Variants in DNMBP observed in about 807,000 individuals in gnomAD.
The protein encoded by DNMBP is dynamin binding protein.
A neutral mutation model predicts 150.0 loss-of-function variants in DNMBP; 87 were observed. That is an observed-to-expected ratio of 0.58 (90% CI 0.49 to 0.69). The LOEUF is 0.69. Among genes scored for constraint, DNMBP ranks in the 30% least tolerant of loss-of-function variants. The pLI is 0.00. For synonymous variants in DNMBP, 711 were observed against 750.4 expected (o/e 0.95, Z 0.86); for missense variants, 1,774 against 1,949.0 (o/e 0.91, Z 1.69).
chr10:99,919,530 C>T (rs1192819674), intron 4 of DNMBP, among the ~76,000 whole-genome samples: 5 of 152,346 alleles, frequency 3.3e-5, no homozygotes, highest in East Asian at 3.9e-4. Context: ...CTGTGACTCA[C>T]GCCTGTAATC....
chr10:99,908,370 C>A (rs2039852725), intron 5 of DNMBP, among the ~76,000 whole-genome samples: 1 of 152,246 alleles, frequency 6.6e-6, no homozygotes, highest in Admixed American at 6.5e-5. Flanking sequence ...CAAATTCCCA[C>A]CCGCAACCAA....
intron 1 of DNMBP, among the ~76,000 whole-genome samples, chr10:99,979,898 T>A (rs1208643992): frequency 6.6e-6 from 1 of 152,160 alleles, no homozygotes; most frequent in African/African-American, 2.4e-5. Flanking sequence ...GCTCAGAACT[T>A]GTTTTTTGGT....
At chr10:99,919,245 G>A (rs1447568978) in intron 4 of DNMBP, among the ~76,000 whole-genome samples, 1 of 152,150 alleles carries the variant, frequency 6.6e-6, no homozygotes, top group Non-Finnish European at 1.5e-5. Context: ...TGGATTTTGT[G>A]TCTTATCCAT....
At chr10:99,930,296 T>TAG (rs1183580308) in intron 4 of DNMBP, 33 of 702,910 alleles carry the variant, frequency 4.7e-5, no homozygotes, top group Non-Finnish European at 8.1e-5. Flanking sequence ...CAGTCAACTG[T>TAG]TCAGCTTTTT....
intron 1 of DNMBP, among the ~76,000 whole-genome samples, chr10:99,985,110 A>G (rs1209436500): frequency 1.3e-5 from 2 of 152,144 alleles, no homozygotes; most frequent in African/African-American, 4.8e-5. Context: ...GAATTTAGAA[A>G]ACTGAAGATT....
intron 3 of DNMBP, 75 bp downstream of exon 3, chr10:99,969,040 A>G: frequency 6.3e-7 from 1 of 1,575,166 alleles, no homozygotes; most frequent in Non-Finnish European, 8.7e-7. Context: ...CAAATTCAAA[A>G]AGGATCTGGT....
chr10:99,963,798 C>T (rs2040588748), intron 3 of DNMBP, among the ~76,000 whole-genome samples: 1 of 150,356 alleles, frequency 6.7e-6, no homozygotes, highest in African/African-American at 2.5e-5. Context: ...CTCACGGACT[C>T]CTTTTGGGCT....
chr10:99,952,341 G>A (rs2040433556), intron 4 of DNMBP, among the ~76,000 whole-genome samples: 1 of 152,306 alleles, frequency 6.6e-6, no homozygotes, highest in East Asian at 1.9e-4. Flanking sequence ...AGAAAGTGAT[G>A]GAGAATCTGG....
chr10:99,955,725 G>C lies in DNMBP; in HGVS notation c.1749C>G (p.Asn583Lys). 6.2e-7 allele frequency: 1 copy of C among 1,614,246 alleles called. No individual in the cohort carries two copies. Among genetic ancestry groups the C allele is most frequent in the Non-Finnish European group, 8.5e-7 (1 of 1,180,046 alleles). The change falls in exon 4 of 17, where the codon AAC (asparagine) becomes AAG (lysine). Residue 583 changes from asparagine (N) to lysine (K), a missense_variant. Asn to Lys is a moderately conservative substitution (Grantham distance 94). This residue lies in a region of DNMBP where 1,430 missense variants were observed against 1,492.5 expected (regional missense o/e 0.96). Transcript: ENST00000324109. ...ILRHFSIMDF[N>K]SEKDIVRGSS... The stretch of plus-strand genomic sequence containing the variant: ...AACCTCGGACAATATCCTTCTCAGA[G>C]TTAAAGTCCATGATTGAAAAGTGGC...
intron 1 of DNMBP, among the ~76,000 whole-genome samples, chr10:99,979,375 G>A (rs190355712): frequency 3.5e-4 from 53 of 152,270 alleles, no homozygotes; most frequent in Non-Finnish European, 4.7e-4. Flanking sequence ...TGTGGGGGTC[G>A]GGGAAGGACT....
chr10:100,007,723 C>T (rs188729710), intron 1 of DNMBP, among the ~76,000 whole-genome samples: 100 of 152,358 alleles, frequency 6.6e-4, no homozygotes, highest in Admixed American at 5.2e-3. Flanking sequence ...AAGTTAACAT[C>T]TTGGTTTAAC....
chr10:99,890,684 T>C (rs1418280706), intron 11 of DNMBP, among the ~76,000 whole-genome samples: 3 of 152,174 alleles, frequency 2.0e-5, no homozygotes, highest in East Asian at 1.9e-4. Context: ...AGTCTCACTC[T>C]CACCCAGGTT....
Position 99,899,653 on chromosome 10 carries a change from G to A in DNMBP, c.2702+266C>T, listed in dbSNP as rs571650900. On this transcript the variant is annotated intron_variant, in intron 7 of 16. Coordinates refer to ENST00000324109, the MANE Select transcript of DNMBP (RefSeq NM_015221.4). Reference sequence around the variant, plus strand: ...ACTCCGTCTCAAAAAAAAAAACCCTGTATTTAGTCTTCTCACCTATGCTCT... The same window carrying A: ...ACTCCGTCTCAAAAAAAAAAACCCTATATTTAGTCTTCTCACCTATGCTCT... Among the ~76,000 whole-genome samples, 46 of 147,326 alleles carry A rather than the reference G, an allele frequency of 3.1e-4. No individual in the cohort carries two copies. In the South Asian group the frequency reaches 9.9e-3, roughly 32 times the overall value.
At chr10:99,969,336 C>A (rs879046592) in intron 2 of DNMBP, 99 bp from the exon 3 acceptor site, 1 of 1,268,716 alleles carries the variant, frequency 7.9e-7, no homozygotes, top group Non-Finnish European at 1.1e-6. Flanking sequence ...ATGTATAGAC[C>A]GTAACTTGAA....
chr10:99,995,363 T>C (rs888423906), intron 1 of DNMBP, among the ~76,000 whole-genome samples: 4 of 152,170 alleles, frequency 2.6e-5, no homozygotes, highest in African/African-American at 9.6e-5. Flanking sequence ...AGAAATCTTA[T>C]ACATCTTTAC....
chr10:99,900,543 C>T (rs1034912153), intron 6 of DNMBP, among the ~76,000 whole-genome samples: 1 of 152,190 alleles, frequency 6.6e-6, no homozygotes, highest in Non-Finnish European at 1.5e-5. Flanking sequence ...AACAGAGCCT[C>T]CAGTCCCTTT....
chr10:99,895,918 T>C (rs999612575), intron 10 of DNMBP, among the ~76,000 whole-genome samples: 1 of 152,236 alleles, frequency 6.6e-6, no homozygotes, highest in African/African-American at 2.4e-5. Flanking sequence ...TTTCAATCCA[T>C]TCAATCTCTT....
In DNMBP at chr10:99,877,295, A is replaced by G. The variant is rs2039291384; in HGVS notation, c.4590T>C (p.Asn1530=). 1 of 1,613,804 alleles carries G rather than the reference A, an allele frequency of 6.2e-7. No individual in the cohort carries two copies. The highest frequency in any genetic ancestry group is 8.5e-7 in the Non-Finnish European group (1 of 1,179,944). Residue 1530 remains asparagine (N), a synonymous_variant, in exon 17 of 17, where the codon AAT becomes AAC. Transcript: ENST00000324109. ...TCTGATTGGCTGACACGCTCAGCTCATTTGGGTTTCGTGCCTTGAAGGTGT... is the reference window on the plus strand; with the variant it reads ...TCTGATTGGCTGACACGCTCAGCTCGTTTGGGTTTCGTGCCTTGAAGGTGT... ...AVYTFKARNP[N]ELSVSANQKL...
At position 99,899,648 on chromosome 10, in the gene DNMBP, A is replaced by C. The variant is rs918444345; in HGVS notation, c.2702+271T>G. On this transcript the variant is annotated intron_variant, in intron 7 of 16. Transcript: ENST00000324109. ...GTGAGACTCCGTCTCAAAAAAAAAA[A>C]CCCTGTATTTAGTCTTCTCACCTAT... 2.3e-4 allele frequency among the ~76,000 whole-genome samples: 31 copies of C among 136,618 alleles called. 1 individual carries two copies. Among genetic ancestry groups the C allele is most frequent in the African/African-American group, 7.6e-4 (28 of 36,676 alleles). 89.6% of individuals were successfully genotyped at this position (136,618 alleles called of 152,430 possible).
Sources: allele counts gnomAD v4.1 joint callset (sites outside exome capture counted in the v4.1 genomes callset), GRCh38; gene constraint gnomAD v4.1.1; regional missense constraint gnomAD v4.1.1; transcripts MANE v1.5; gene names NCBI Gene and HGNC (gene_info 2026-07-23, HGNC 2026-07-21).